The following CEP112 variants were observed in gnomAD, a reference collection of about 807,000 sequenced individuals.
The protein encoded by CEP112 is centrosomal protein of 112 kDa.
CEP112 carries 127 observed loss-of-function variants against 153.0 expected under a neutral mutation model. The ratio of observed to expected loss-of-function variants is 0.83; its 90% CI spans 0.72 to 0.96. CEP112 has a LOEUF of 0.96. Ranked by LOEUF, CEP112 falls within the 40% of genes least tolerant of loss-of-function variation. CEP112 has a pLI of 0.00. For missense variants in CEP112, 1,089 were observed against 1,101.2 expected (o/e 0.99, Z 0.16); for synonymous variants, 358 against 374.4 (o/e 0.96, Z 0.51).
At chr17:65,854,708 A>G (rs908177207) in intron 20 of CEP112, among the ~76,000 whole-genome samples, 1 of 152,188 alleles carries the variant, frequency 6.6e-6, no homozygotes, top group African/African-American at 2.4e-5. Flanking sequence ...CAGGAAATCT[A>G]TGCACTGTTT....
rs1228485058 is a variant in CEP112, at chr17:66,174,938, G to T, written c.470+106C>A. 4.3e-6 allele frequency: 3 copies of T among 699,824 alleles called. No homozygotes were observed. The African/African-American group carries it at 5.5e-5, about 13-fold the overall frequency. 43.4% of individuals were successfully genotyped at this position (699,824 alleles called of 1,614,324 possible). On this transcript the variant is annotated intron_variant, in intron 4 of 26. Coordinates refer to ENST00000535342, the MANE Select transcript of CEP112 (RefSeq NM_001199165.4). Reference sequence around the variant, plus strand: ...TCTTGAATGTGCAGTTAAGGGAAAAGTAAACTACTTCCATTATAAAAAAAA... The same window carrying T: ...TCTTGAATGTGCAGTTAAGGGAAAATTAAACTACTTCCATTATAAAAAAAA...
intron 21 of CEP112, among the ~76,000 whole-genome samples, chr17:65,845,877 GTTTCTCTTAACT>G (rs2057708318): frequency 6.6e-6 from 1 of 152,126 alleles, no homozygotes; most frequent in African/African-American, 2.4e-5. Context: ...GGTATTTCAT[GTTTCTCTTAACT>G]CAAAATCATT....
intron 24 of CEP112, among the ~76,000 whole-genome samples, chr17:65,678,779 G>C (rs958235921): frequency 1.3e-5 from 2 of 150,628 alleles, no homozygotes; most frequent in African/African-American, 2.4e-5. Flanking sequence ...ACGTGGATTT[G>C]ATATGTCAGC....
At chr17:66,011,156 G>A (rs1397297432) in intron 16 of CEP112, among the ~76,000 whole-genome samples, 1 of 152,044 alleles carries the variant, frequency 6.6e-6, no homozygotes, top group Admixed American at 6.5e-5. Context: ...GGTTTGTTCA[G>A]GGATTCAGTT....
chr17:65,783,372 C>T (rs2054102679), intron 21 of CEP112, among the ~76,000 whole-genome samples: 1 of 152,120 alleles, frequency 6.6e-6, no homozygotes, highest in Non-Finnish European at 1.5e-5. Flanking sequence ...TTGTAGAAAA[C>T]AGTTTGGAAG....
chr17:65,786,247 A>AT (rs2054267403), intron 21 of CEP112, among the ~76,000 whole-genome samples: 1 of 151,202 alleles, frequency 6.6e-6, no homozygotes, highest in Non-Finnish European at 1.5e-5. Flanking sequence ...AATACAATTG[A>AT]TTTTTCTATA....
At chr17:66,164,886 ATG>A (rs57252258) in intron 4 of CEP112, among the ~76,000 whole-genome samples, 9,631 of 137,436 alleles carry the variant, frequency 0.07, 502 homozygotes, top group East Asian at 0.23. Flanking sequence ...ACACACATAT[ATG>A]TGTGTGTGTG....
chr17:66,002,141 T>C (rs925967739), intron 17 of CEP112, among the ~76,000 whole-genome samples: 1 of 152,216 alleles, frequency 6.6e-6, no homozygotes, highest in African/African-American at 2.4e-5. Flanking sequence ...TCTTAAATAA[T>C]GATAGGTTCT....
At chr17:66,185,444 A>C (rs760265146) in intron 1 of CEP112, among the ~76,000 whole-genome samples, 1 of 152,118 alleles carries the variant, frequency 6.6e-6, no homozygotes, top group African/African-American at 2.4e-5. Context: ...GCTGGTCTCG[A>C]ACTCCTGACC....
chr17:66,100,523 T>G (rs1196154736), intron 6 of CEP112, among the ~76,000 whole-genome samples: 2 of 149,820 alleles, frequency 1.3e-5, no homozygotes. Flanking sequence ...CATAAAAACG[T>G]GTTTAAAAAG....
chr17:66,162,213 A>G (rs117323527), intron 4 of CEP112, among the ~76,000 whole-genome samples: 5,181 of 152,326 alleles, frequency 0.034, 130 homozygotes, highest in Middle Eastern at 0.061. Context: ...TATCCAAATC[A>G]TCGATAAACA....
intron 8 of CEP112, among the ~76,000 whole-genome samples, chr17:66,072,414 G>A (rs1598292473): frequency 6.6e-6 from 1 of 152,166 alleles, no homozygotes; most frequent in South Asian, 2.1e-4. Context: ...ATTGCTTTTA[G>A]TTGTCACATC....
At chr17:65,704,076 C>T (rs989343800) in intron 23 of CEP112, among the ~76,000 whole-genome samples, 15 of 151,938 alleles carry the variant, frequency 9.9e-5, no homozygotes, top group Admixed American at 9.2e-4. Flanking sequence ...TCCAGTATGA[C>T]GGACGTCCTC....
At chr17:66,066,596 CA>C (rs1432397203) in intron 10 of CEP112, among the ~76,000 whole-genome samples, 181 bp downstream of exon 10, 8 of 151,788 alleles carry the variant, frequency 5.3e-5, no homozygotes, top group Non-Finnish European at 7.4e-5. Context: ...CACACACACA[CA>C]CAAATAAACA....
At chr17:65,758,343 G>A (rs1055663988) in intron 21 of CEP112, among the ~76,000 whole-genome samples, 1 of 151,958 alleles carries the variant, frequency 6.6e-6, no homozygotes, top group African/African-American at 2.4e-5. Context: ...CCTTATTAAA[G>A]AGCCCAATGT....
At chr17:65,977,267 G>T (rs773754009) in intron 17 of CEP112, among the ~76,000 whole-genome samples, 1 of 152,098 alleles carries the variant, frequency 6.6e-6, no homozygotes, top group African/African-American at 2.4e-5. Context: ...TTTAGCTTGC[G>T]TATGGCCCGT....
rs2044730094 is a variant in CEP112, at chr17:65,635,554, T to C, written c.*417A>G. ...AATAAAACTGGTAAGTACAAAATAA[T>C]ATTTTAATAACATAGGAACATGAAC... is the stretch of plus-strand genomic sequence containing the variant. On this transcript the variant is annotated 3_prime_UTR_variant, in exon 27 of 27. Transcript: ENST00000535342. 5.5e-6 allele frequency: 1 copy of C among 182,450 alleles called. No homozygotes were observed. Among genetic ancestry groups the C allele is most frequent in the Admixed American group, 6.1e-5 (1 of 16,268 alleles). The allele number at this position is 182,450 out of a possible 1,614,324, so 11.3% of individuals were successfully genotyped here. A position where few individuals can be genotyped will look rare whatever the true frequency, so the allele number is the denominator to read the frequency against.
chr17:65,962,662 T>C (rs1466990112), intron 17 of CEP112, among the ~76,000 whole-genome samples: 1 of 152,190 alleles, frequency 6.6e-6, no homozygotes, highest in Non-Finnish European at 1.5e-5. Context: ...CCACGTGTTG[T>C]GGGAGGGACC....
At chr17:66,163,447 TAAC>T (rs1270476436) in intron 4 of CEP112, among the ~76,000 whole-genome samples, 1 of 151,962 alleles carries the variant, frequency 6.6e-6, no homozygotes, top group African/African-American at 2.4e-5. Context: ...TAAAAATAAA[TAAC>T]AATTAATAAT....
Sources: allele counts gnomAD v4.1 joint callset (sites outside exome capture counted in the v4.1 genomes callset), GRCh38; gene constraint gnomAD v4.1.1; transcripts MANE v1.5; gene names NCBI Gene and HGNC (gene_info 2026-07-23, HGNC 2026-07-21).